Variants in ZNF609 observed in about 807,000 individuals in gnomAD.
ZNF609 encodes zinc finger protein 609.
Under a neutral mutation model 109.5 loss-of-function variants are expected in ZNF609, and 11 were observed. That is an observed-to-expected ratio of 0.10 (90% CI 0.06 to 0.17). The LOEUF (loss-of-function observed/expected upper bound fraction) is 0.17. Ranked by LOEUF, ZNF609 falls within the 10% of genes least tolerant of loss-of-function variation. The pLI, the probability that ZNF609 is intolerant of heterozygous loss-of-function variation, is 1.00. For synonymous variants in ZNF609, 646 were observed against 662.0 expected (o/e 0.98, Z 0.37); for missense variants, 1,559 against 1,772.4 (o/e 0.88, Z 2.16).
At chr15:64,496,620 C>T (rs1893486176) in intron 1 of ZNF609, among the ~76,000 whole-genome samples, 1 of 152,182 alleles carries the variant, frequency 6.6e-6, no homozygotes, top group Non-Finnish European at 1.5e-5. Context: ...GTCTTACTTG[C>T]TGCTGTATTT....
chr15:64,569,446 G>A (rs1367763768), intron 2 of ZNF609, among the ~76,000 whole-genome samples: 4 of 152,148 alleles, frequency 2.6e-5, no homozygotes, highest in East Asian at 1.9e-4. Context: ...GATAGTTTAG[G>A]AAAACCTCCT....
chr15:64,608,493 A>G, intron 2 of ZNF609, among the ~76,000 whole-genome samples: 1 of 151,906 alleles, frequency 6.6e-6, no homozygotes, highest in East Asian at 1.9e-4. Context: ...GGGTGTGTGT[A>G]GTTCCATACA....
At chr15:64,620,452 CT>C (rs1404650361) in intron 2 of ZNF609, among the ~76,000 whole-genome samples, 1 of 152,188 alleles carries the variant, frequency 6.6e-6, no homozygotes, top group Non-Finnish European at 1.5e-5. Context: ...TTTACCTTCA[CT>C]TCTGTGCATG....
intron 2 of ZNF609, among the ~76,000 whole-genome samples, chr15:64,614,552 C>T (rs762842202): frequency 2.6e-5 from 4 of 151,762 alleles, no homozygotes; most frequent in African/African-American, 9.7e-5. Context: ...TTTCAAGAGA[C>T]AAAAATAAAT....
At chr15:64,562,382 C>T (rs533767051) in intron 2 of ZNF609, among the ~76,000 whole-genome samples, 17 of 152,296 alleles carry the variant, frequency 1.1e-4, no homozygotes, top group Middle Eastern at 3.4e-3. Context: ...GGCCTAGAAA[C>T]ATTTATGCCC....
intron 2 of ZNF609, chr15:64,501,418 A>G (rs576926): frequency 0.74 from 112,905 of 152,026 alleles, 45,469 homozygotes; most frequent in East Asian, 0.96. Context: ...AGTTTCTTCC[A>G]CTAATAATAC....
upstream of ZNF609, among the ~76,000 whole-genome samples, chr15:64,459,730 A>G (rs1892911226): frequency 6.6e-6 from 1 of 152,190 alleles, no homozygotes; most frequent in Non-Finnish European, 1.5e-5. Flanking sequence ...TTTGTTTGCT[A>G]TGGAATGAGA....
At chr15:64,595,993 T>C (rs1895390707) in intron 2 of ZNF609, among the ~76,000 whole-genome samples, 1 of 152,156 alleles carries the variant, frequency 6.6e-6, no homozygotes. Context: ...AATAAATAAA[T>C]TATTTGTGAA....
intron 2 of ZNF609, among the ~76,000 whole-genome samples, chr15:64,586,442 C>T (rs929944518): frequency 6.6e-6 from 1 of 152,034 alleles, no homozygotes; most frequent in Admixed American, 6.6e-5. Flanking sequence ...AACCTGGTCG[C>T]ACAGCAGGAG....
In ZNF609 at chr15:64,643,260, G is replaced by A. The variant is rs181661264; in HGVS notation, c.973+20208G>A. ...ATTTCCTGCAACATTCCTTGCTGCA[G>A]GCGTGAGCCACCACACCTGGCCAGA... On this transcript the variant is annotated intron_variant, in intron 3 of 9. Transcript: ENST00000326648. Among the ~76,000 whole-genome samples, 5 of 152,258 alleles carry A rather than the reference G, an allele frequency of 3.3e-5. No individual in the cohort carries two copies. The South Asian group carries it at 8.3e-4, about 25-fold the overall frequency.
At position 64,652,559 on chromosome 15, in the gene ZNF609, A is replaced by T. The variant is rs149058270; in HGVS notation, c.974-17787A>T. On this transcript the variant is annotated intron_variant, in intron 3 of 9. Transcript: ENST00000326648. Reference sequence around the variant, plus strand: ...GTACCACCACACGTGACTAATTTTTATATTTTTTGTAGGTACGGGGGTTTT... The same window carrying T: ...GTACCACCACACGTGACTAATTTTTTTATTTTTTGTAGGTACGGGGGTTTT... 1.8e-3 allele frequency among the ~76,000 whole-genome samples: 270 copies of T among 151,728 alleles called. 1 individual carries two copies. Among genetic ancestry groups the T allele is most frequent in the Non-Finnish European group, 2.4e-3 (166 of 67,888 alleles).
chr15:64,531,527 A>G (rs1894060799), intron 2 of ZNF609, among the ~76,000 whole-genome samples: 1 of 152,116 alleles, frequency 6.6e-6, no homozygotes, highest in Non-Finnish European at 1.5e-5. Flanking sequence ...CCTACCAAGT[A>G]GCTGGGACTA....
chr15:64,530,459 A>G lies in ZNF609; in HGVS notation c.747+30293A>G, dbSNP rs537361129. Among the ~76,000 whole-genome samples the G allele has an allele frequency of 8.1e-4, 123 of 152,334 alleles. 1 individual carries two copies. Among genetic ancestry groups the G allele is most frequent in the African/African-American group, 2.5e-3 (105 of 41,580 alleles). On this transcript the variant is annotated intron_variant, in intron 2 of 9. Transcript: ENST00000326648. ...CAATTACAAAGGTTATAATTATACT[A>G]TCACGGCTACAATATATTGAACATA...
chr15:64,542,807 T>TGC (rs1386337456), intron 2 of ZNF609, among the ~76,000 whole-genome samples: 2 of 152,206 alleles, frequency 1.3e-5, no homozygotes, highest in Non-Finnish European at 2.9e-5. Context: ...ACTTTTTACC[T>TGC]GCATCATTCC....
chr15:64,503,698 T>C (rs995519361), intron 2 of ZNF609, among the ~76,000 whole-genome samples: 1 of 152,186 alleles, frequency 6.6e-6, no homozygotes, highest in African/African-American at 2.4e-5. Context: ...CCCCCTCACA[T>C]GTCTTTAGCT....
chr15:64,486,956 C>T (rs955052742), intron 1 of ZNF609, among the ~76,000 whole-genome samples: 7 of 152,050 alleles, frequency 4.6e-5, no homozygotes, highest in African/African-American at 1.2e-4. Flanking sequence ...CTCTTCGTAT[C>T]GAATCATCCC....
intron 2 of ZNF609, among the ~76,000 whole-genome samples, chr15:64,515,018 G>A (rs1248541940): frequency 6.6e-6 from 1 of 151,834 alleles, no homozygotes; most frequent in Non-Finnish European, 1.5e-5. Context: ...TTTGTTGTTG[G>A]TCTTGTCTTA....
intron 1 of ZNF609, among the ~76,000 whole-genome samples, chr15:64,461,650 A>T (rs1452205244): frequency 6.6e-6 from 1 of 152,202 alleles, no homozygotes; most frequent in East Asian, 1.9e-4. Context: ...AGGCTCACAC[A>T]GGGTGGAGAG....
At chr15:64,630,857 A>G (rs977855139) in intron 3 of ZNF609, among the ~76,000 whole-genome samples, 3 of 152,222 alleles carry the variant, frequency 2.0e-5, no homozygotes, top group African/African-American at 7.2e-5. Flanking sequence ...ACTGTCTTCA[A>G]ACCAATACAA....
Sources: gnomAD v4.1 joint callset for allele counts (sites outside exome capture counted in the v4.1 genomes callset) on GRCh38, gnomAD v4.1.1 for gene constraint, MANE v1.5 for transcripts, NCBI Gene and HGNC (gene_info 2026-07-23, HGNC 2026-07-21) for gene names.